The following ULK4 variants were observed in gnomAD, a reference collection of about 807,000 sequenced individuals.
ULK4 encodes unc-51 like kinase 4, also known as inactive serine/threonine-protein kinase ULK4.
ULK4 carries 133 observed loss-of-function variants against 160.6 expected under a neutral mutation model. That is an observed-to-expected ratio of 0.83 (90% CI 0.72 to 0.96). The LOEUF (loss-of-function observed/expected upper bound fraction) is 0.96, where lower values mean the gene tolerates loss of function less well. Ranked by LOEUF, ULK4 falls within the 40% of genes least tolerant of loss-of-function variation. The pLI is 0.00. For synonymous variants in ULK4, 534 were observed against 539.8 expected (o/e 0.99, Z 0.15); for missense variants, 1,580 against 1,499.5 (o/e 1.05, Z -0.89).
chr3:41,262,933 C>CA, intron 35 of ULK4, among the ~76,000 whole-genome samples: 1 of 151,916 alleles, frequency 6.6e-6, no homozygotes, highest in East Asian at 1.9e-4. Flanking sequence ...TTTTAATTGG[C>CA]AAAAAATTAT....
At chr3:41,836,361 C>T (rs56104136) in intron 17 of ULK4, among the ~76,000 whole-genome samples, 18,802 of 151,958 alleles carry the variant, frequency 0.12, 1,339 homozygotes, top group Middle Eastern at 0.27. Context: ...TTAGTAGAGA[C>T]GGGGTTTTGC....
chr3:41,941,105 C>G (rs996392123), intron 2 of ULK4, among the ~76,000 whole-genome samples: 15 of 150,640 alleles, frequency 1.0e-4, no homozygotes, highest in Middle Eastern at 3.4e-3. Context: ...ACAGTCATGG[C>G]TCACTGCAGC....
At chr3:41,879,068 A>T (rs140479805) in intron 17 of ULK4, among the ~76,000 whole-genome samples, 3 of 152,230 alleles carry the variant, frequency 2.0e-5, no homozygotes, top group Non-Finnish European at 4.4e-5. Flanking sequence ...GTCTGTAACA[A>T]ATAAATGACA....
intron 27 of ULK4, among the ~76,000 whole-genome samples, chr3:41,702,445 C>G (rs1446332441): frequency 1.3e-5 from 2 of 152,002 alleles, no homozygotes; most frequent in Non-Finnish European, 2.9e-5. Context: ...CCGCCTGGCC[C>G]AGACAAATTA....
At chr3:41,342,267 G>A (rs1231735004) in intron 35 of ULK4, among the ~76,000 whole-genome samples, 3 of 152,284 alleles carry the variant, frequency 2.0e-5, no homozygotes, top group Non-Finnish European at 4.4e-5. Context: ...ACAGTTTCCG[G>A]AGAGAGATCA....
intron 20 of ULK4, among the ~76,000 whole-genome samples, chr3:41,797,569 C>G (rs1181380264): frequency 6.6e-6 from 1 of 152,190 alleles, no homozygotes; most frequent in African/African-American, 2.4e-5. Context: ...GCTATGAAAA[C>G]AAAATACAGG....
chr3:41,678,472 A>G (rs759832317), intron 29 of ULK4, among the ~76,000 whole-genome samples: 10 of 152,160 alleles, frequency 6.6e-5, no homozygotes, highest in Non-Finnish European at 1.3e-4. Flanking sequence ...GTGGATGAGA[A>G]TAGGAGCCTA....
In ULK4 at chr3:41,943,800, C is replaced by A. The variant is rs905487638; in HGVS notation, c.139-5603G>T. 5.3e-5 allele frequency among the ~76,000 whole-genome samples: 8 copies of A among 152,244 alleles called. No homozygotes were observed. In the South Asian group the frequency reaches 1.0e-3, roughly 20 times the overall value. On this transcript the variant is annotated intron_variant, in intron 2 of 36. Coordinates refer to ENST00000301831, the MANE Select transcript of ULK4 (RefSeq NM_017886.4). ...CTCCCCTTGTATACATGATCCCAAC[C>A]CCCCTCAAACTTCACTTACATTATA... is the stretch of plus-strand genomic sequence containing the variant.
intron 27 of ULK4, among the ~76,000 whole-genome samples, chr3:41,700,858 C>T (rs1233907380): frequency 6.6e-6 from 1 of 151,940 alleles, no homozygotes; most frequent in Non-Finnish European, 1.5e-5. Flanking sequence ...CTACAGGGAA[C>T]AGGAAATCAT....
At chr3:41,927,948 G>T (rs1699443885) in intron 5 of ULK4, among the ~76,000 whole-genome samples, 1 of 152,042 alleles carries the variant, frequency 6.6e-6, no homozygotes, top group East Asian at 1.9e-4. Context: ...ACAGATCAAT[G>T]AGACAGAAAA....
At position 41,754,342 on chromosome 3, in the gene ULK4, C is replaced by T; in HGVS notation, c.2321+19G>A. ...CACTAAATTGAAGTTACTGATGAAA[C>T]CATCAGAGAAAATCTTACCTTGCTT... On this transcript the variant is annotated intron_variant, in intron 22 of 36. Transcript: ENST00000301831. The T allele has an allele frequency of 6.2e-7, 1 of 1,603,924 alleles. No individual in the cohort carries two copies.
At chr3:41,472,615 T>C (rs956024707) in intron 32 of ULK4, among the ~76,000 whole-genome samples, 1 of 147,548 alleles carries the variant, frequency 6.8e-6, no homozygotes, top group Non-Finnish European at 1.5e-5. Context: ...AACAAGAAGA[T>C]TGAATAAATA....
intron 32 of ULK4, among the ~76,000 whole-genome samples, chr3:41,553,209 TAA>T (rs1255657558): frequency 6.6e-6 from 1 of 152,048 alleles, no homozygotes; most frequent in Non-Finnish European, 1.5e-5. Context: ...ATTTTATGGC[TAA>T]GACATCAGAA....
At chr3:41,548,098 C>T (rs907165243) in intron 32 of ULK4, among the ~76,000 whole-genome samples, 9 of 152,102 alleles carry the variant, frequency 5.9e-5, no homozygotes, top group African/African-American at 1.9e-4. Context: ...TCATCTTGCC[C>T]GCTGCTGCTG....
intron 34 of ULK4, among the ~76,000 whole-genome samples, chr3:41,451,142 T>C (rs2083416305): frequency 6.6e-6 from 1 of 152,094 alleles, no homozygotes; most frequent in Non-Finnish European, 1.5e-5. Context: ...GGAAAACCTC[T>C]AAGCAGTGGA....
intron 35 of ULK4, among the ~76,000 whole-genome samples, chr3:41,299,153 CA>C (rs1326268528): frequency 6.6e-6 from 1 of 152,190 alleles, no homozygotes; most frequent in African/African-American, 2.4e-5. Flanking sequence ...AGAGGCTTTG[CA>C]CACTTCAGTT....
chr3:41,661,871 A>G (rs2035183251), intron 30 of ULK4, among the ~76,000 whole-genome samples: 1 of 152,160 alleles, frequency 6.6e-6, no homozygotes, highest in Non-Finnish European at 1.5e-5. Flanking sequence ...GATTCTATAG[A>G]GGCCAAATAA....
intron 11 of ULK4, among the ~76,000 whole-genome samples, chr3:41,910,347 G>A (rs988069770): frequency 2.6e-5 from 4 of 152,074 alleles, no homozygotes; most frequent in East Asian, 1.9e-4. Flanking sequence ...GTGTGTAATC[G>A]CAGCACTCTG....
At chr3:41,247,420 G>A (rs1229215258) in intron 36 of ULK4, among the ~76,000 whole-genome samples, 1 of 152,190 alleles carries the variant, frequency 6.6e-6, no homozygotes, top group African/African-American at 2.4e-5. Context: ...ACTCTTATAG[G>A]TGTGGATGTG....
Sources: gnomAD v4.1 joint callset for allele counts (sites outside exome capture counted in the v4.1 genomes callset) on GRCh38, gnomAD v4.1.1 for gene constraint, MANE v1.5 for transcripts, NCBI Gene and HGNC (gene_info 2026-07-23, HGNC 2026-07-21) for gene names.